MYPN: variants seen among roughly 807,000 people sequenced by gnomAD.
MYPN encodes the protein myopalladin.
Under a neutral mutation model 129.4 loss-of-function variants are expected in MYPN, and 63 were observed. The ratio of observed to expected loss-of-function variants is 0.49; its 90% CI spans 0.40 to 0.60. The LOEUF (loss-of-function observed/expected upper bound fraction) is 0.60. Among genes scored for constraint, MYPN ranks in the 20% least tolerant of loss-of-function variants. The pLI, the probability that MYPN is intolerant of heterozygous loss-of-function variation, is 0.00. For missense variants in MYPN, 1,596 were observed against 1,635.4 expected, an observed-to-expected ratio of 0.98 and a Z score of 0.42; for synonymous variants, 629 against 600.9, an observed-to-expected ratio of 1.05 and a Z score of -0.68.
intron 4 of MYPN, among the ~76,000 whole-genome samples, chr10:68,145,834 G>C (rs2042656905): frequency 6.6e-6 from 1 of 152,144 alleles, no homozygotes; most frequent in South Asian, 2.1e-4. Context: ...TCTAGCTTTT[G>C]TGCAGATACG....
intron 2 of MYPN, among the ~76,000 whole-genome samples, chr10:68,127,667 C>T (rs2042348161): frequency 6.6e-6 from 1 of 151,882 alleles, no homozygotes; most frequent in South Asian, 2.1e-4. Context: ...TAAAGTAGTG[C>T]TATTGAGTTT....
intron 1 of MYPN, among the ~76,000 whole-genome samples, chr10:68,097,852 A>G (rs7920380): frequency 0.081 from 12,241 of 152,022 alleles, 696 homozygotes; most frequent in South Asian, 0.22. Context: ...TTCATCTTTC[A>G]GTACTAGTTT....
At chr10:68,137,170 A>C (rs114156240) in intron 2 of MYPN, among the ~76,000 whole-genome samples, 1 of 152,194 alleles carries the variant, frequency 6.6e-6, no homozygotes, top group African/African-American at 2.4e-5. Flanking sequence ...GAACAAAAAA[A>C]CCATTTAGTG....
chr10:68,188,839 A>G, intron 12 of MYPN, 66 bp from the exon 13 acceptor site: 1 of 1,381,162 alleles, frequency 7.2e-7, no homozygotes, highest in South Asian at 1.2e-5. Context: ...TGGCTTCCTC[A>G]ATTGTACTGA....
chr10:68,206,790 G>A lies in MYPN; in HGVS notation c.3680G>A (p.Gly1227Glu), dbSNP rs1405277168. The change falls in exon 19 of 20, where the codon GGG (glycine) becomes GAG (glutamate). Residue 1227 changes from glycine to glutamate, a missense_variant. Physicochemically the swap from Gly to Glu is moderately conservative, Grantham distance 98. Transcript: ENST00000358913. ...TCCAGTATGCACCAGGACACAACAG[G>A]GTATGCCTGCCTTCTCATTCAGCCA... ...ERISMHQDTT[G>E]YACLLIQPAK... The A allele has an allele frequency of 1.2e-6, 2 of 1,613,970 alleles. No homozygotes were observed. Among genetic ancestry groups the A allele is most frequent in the African/African-American group, 2.7e-5 (2 of 74,890 alleles).
At chr10:68,158,437 C>T in intron 6 of MYPN, 49 bp from the exon 7 acceptor site, 1 of 1,580,034 alleles carries the variant, frequency 6.3e-7, no homozygotes, top group Non-Finnish European at 8.7e-7. Flanking sequence ...AACTAGATTA[C>T]AAAAATGTGT....
rs149852773 is a variant in MYPN, at chr10:68,143,050, G to C, written c.1013G>C (p.Arg338Pro). 5 of 1,613,988 alleles carry C rather than the reference G, an allele frequency of 3.1e-6. No individual in the cohort carries two copies. The highest frequency in any genetic ancestry group is 8.5e-7 in the Non-Finnish European group (1 of 1,180,012). ...GAAGCCTTTGAAGAGGACACAGGAC[G>C]CTATTCCTGCTTTGCTTCTAACATC... ...IAEAFEEDTG[R>P]YSCFASNIYG... Residue 338 changes from arginine (R) to proline (P), a missense_variant, in exon 3 of 20, where the codon CGC becomes CCC. By Grantham distance (103) the Arg-to-Pro change is moderately radical. Transcript: ENST00000358913.
chr10:68,211,974 G>A lies in MYPN; in HGVS notation c.*1519G>A, dbSNP rs1243128153. On this transcript the variant is annotated 3_prime_UTR_variant, in exon 20 of 20. Transcript: ENST00000358913. ...AGGCTTGAAACTGTCTTCACTTCAA[G>A]GCAAGGATTTCCAGCATAAAAATAA... The A allele has an allele frequency of 2.8e-6, 1 of 360,234 alleles. No individual in the cohort carries two copies. The highest frequency in any genetic ancestry group is 5.4e-6 in the Non-Finnish European group (1 of 183,532). The allele number at this position is 360,234 out of a possible 1,614,324, so 22.3% of individuals were successfully genotyped here.
At chr10:68,157,882 T>TA (rs909048548) in intron 6 of MYPN, among the ~76,000 whole-genome samples, 40 of 131,404 alleles carry the variant, frequency 3.0e-4, no homozygotes, top group African/African-American at 4.5e-4. Flanking sequence ...CCCCGACCAA[T>TA]AAAAAAAAAA....
At chr10:68,182,307 AC>A (rs2043331839) in intron 12 of MYPN, among the ~76,000 whole-genome samples, 1 of 11,980 alleles carries the variant, frequency 8.3e-5, no homozygotes, top group Non-Finnish European at 4.0e-4. Flanking sequence ...TATATATAAC[AC>A]ACACATATAT....
At chr10:68,174,987 A>G (rs2043204575) in intron 11 of MYPN, among the ~76,000 whole-genome samples, 1 of 152,018 alleles carries the variant, frequency 6.6e-6, no homozygotes, top group East Asian at 1.9e-4. Flanking sequence ...AGCACAAAAA[A>G]TTAGCTGGGC....
At chr10:68,152,954 G>GTTATTTTATTTTATTTTATTTTAT (rs2042800453) in intron 6 of MYPN, among the ~76,000 whole-genome samples, 4 of 148,674 alleles carry the variant, frequency 2.7e-5, no homozygotes, top group Non-Finnish European at 6.0e-5. Flanking sequence ...TTTATTTTAT[G>GTTATTTTATTTTATTTTATTTTAT]TTATTTTATT....
intron 3 of MYPN, among the ~76,000 whole-genome samples, chr10:68,144,267 G>A (rs1202189937): frequency 6.6e-6 from 1 of 152,062 alleles, no homozygotes; most frequent in Non-Finnish European, 1.5e-5. Flanking sequence ...AATTTTGTCT[G>A]CAGATCATTC....
intron 2 of MYPN, among the ~76,000 whole-genome samples, chr10:68,138,750 C>T (rs1357043931): frequency 1.3e-5 from 2 of 152,154 alleles, no homozygotes; most frequent in East Asian, 1.9e-4. Flanking sequence ...TTTAAACTAG[C>T]ATTCCCCTTG....
intron 2 of MYPN, among the ~76,000 whole-genome samples, chr10:68,127,459 T>C (rs2042344303): frequency 6.7e-6 from 1 of 149,348 alleles, no homozygotes; most frequent in Non-Finnish European, 1.5e-5. Context: ...CTCAGCCTCC[T>C]GAGTAGCTGG....
chr10:68,201,355 A>C (rs1182809314), intron 17 of MYPN, among the ~76,000 whole-genome samples: 1 of 152,204 alleles, frequency 6.6e-6, no homozygotes, highest in Non-Finnish European at 1.5e-5. Context: ...ATCCTCACTA[A>C]AAGACATGAG....
chr10:68,132,417 T>C, intron 2 of MYPN, among the ~76,000 whole-genome samples: 1 of 152,226 alleles, frequency 6.6e-6, no homozygotes, highest in East Asian at 1.9e-4. Flanking sequence ...TGCATTTTTG[T>C]TCAAGTACAA....
chr10:68,160,255 ACAAC>A (rs2042951083), intron 7 of MYPN, among the ~76,000 whole-genome samples: 1 of 151,446 alleles, frequency 6.6e-6, no homozygotes, highest in Non-Finnish European at 1.5e-5. Flanking sequence ...TCCACCAAAA[ACAAC>A]AAAAACAAAA....
chr10:68,114,144 G>A (rs1276856453), intron 1 of MYPN: 1 of 152,068 alleles, frequency 6.6e-6, no homozygotes, highest in African/African-American at 2.4e-5. Flanking sequence ...CTTCATACTA[G>A]TTTTTGCCAA....
Sources: allele counts gnomAD v4.1 joint callset (sites outside exome capture counted in the v4.1 genomes callset), GRCh38; gene constraint gnomAD v4.1.1; transcripts MANE v1.5; gene names NCBI Gene and HGNC (gene_info 2026-07-23, HGNC 2026-07-21).